The following ANKRD12 variants were observed in gnomAD, a reference collection of about 807,000 sequenced individuals.
The protein encoded by ANKRD12 is ankyrin repeat domain 12.
ANKRD12 carries 85 observed loss-of-function variants against 183.4 expected under a neutral mutation model. The observed-to-expected ratio is 0.46, with a 90% CI of 0.39 to 0.56. The LOEUF (loss-of-function observed/expected upper bound fraction) is 0.56, where lower values mean the gene tolerates loss of function less well. Among genes scored for constraint, ANKRD12 ranks in the 20% least tolerant of loss-of-function variants. The probability of loss-of-function intolerance (pLI) is 0.00; values close to 1 mark genes in which losing one functional copy is unlikely to be tolerated. For synonymous variants in ANKRD12, 914 were observed against 800.2 expected, an observed-to-expected ratio of 1.14 and a Z score of -2.40; for missense variants, 2,405 against 2,357.1, an observed-to-expected ratio of 1.02 and a Z score of -0.42.
At chr18:9,236,722 A>G (rs1298073061) in intron 8 of ANKRD12, among the ~76,000 whole-genome samples, 1 of 152,248 alleles carries the variant, frequency 6.6e-6, no homozygotes, top group Non-Finnish European at 1.5e-5. Flanking sequence ...GATAATATTT[A>G]TGCAAATAAT....
At position 9,284,366 on chromosome 18, in the gene ANKRD12, CA is replaced by C. The variant is rs1568017915; in HGVS notation, c.*3241del. 6.6e-6 allele frequency: 1 copy of C among 152,108 alleles called. No individual in the cohort carries two copies. The highest frequency in any genetic ancestry group is 1.5e-5 in the Non-Finnish European group (1 of 68,014). 9.4% of individuals were successfully genotyped at this position (152,108 alleles called of 1,614,324 possible). A position where few individuals can be genotyped will look rare whatever the true frequency, so the allele number is the denominator to read the frequency against. The stretch of plus-strand genomic sequence containing the variant: ...AGACAGTTATTTTAGAAATTGAGTG[CA>C]GACCTAAATACATAGTTTTCCAAAA... On this transcript the variant is annotated 3_prime_UTR_variant, in exon 13 of 13. Transcript: ENST00000262126.
chr18:9,258,887 T>C lies in ANKRD12; in HGVS notation c.5620T>C (p.Tyr1874His). Residue 1874 changes from tyrosine to histidine, a missense_variant, in exon 9 of 13, where the codon TAT (tyrosine) becomes CAT (histidine). Tyr to His is a moderately conservative substitution (Grantham distance 83). This residue lies in a region of ANKRD12 where 162 missense variants were observed against 272.2 expected (regional missense o/e 0.60). Coordinates refer to ENST00000262126, the MANE Select transcript of ANKRD12 (RefSeq NM_015208.5). ...YDEYVTFNGS[Y>H]LLDGNPLSKI... ...CGAATATGTAACATTTAACGGATCA[T>C]ATCTCCTGGATGGAAACCCCTTAAG... 1 of 1,612,516 alleles carries C rather than the reference T, an allele frequency of 6.2e-7. No individual in the cohort carries two copies. Among genetic ancestry groups the C allele is most frequent in the Non-Finnish European group, 8.5e-7 (1 of 1,179,200 alleles).
At chr18:9,152,159 G>A (rs2078704758) in intron 1 of ANKRD12, among the ~76,000 whole-genome samples, 2 of 152,202 alleles carry the variant, frequency 1.3e-5, no homozygotes, top group Non-Finnish European at 2.9e-5. Context: ...GACTGGAGAT[G>A]CCCCCTTCTT....
chr18:9,269,165 G>A (rs1157684512), intron 10 of ANKRD12, among the ~76,000 whole-genome samples: 5 of 152,174 alleles, frequency 3.3e-5, no homozygotes, highest in Non-Finnish European at 7.4e-5. Flanking sequence ...TGGGTAGGAA[G>A]AATCAATATC....
chr18:9,180,089 A>AT (rs1280589421), intron 1 of ANKRD12, among the ~76,000 whole-genome samples: 1 of 152,010 alleles, frequency 6.6e-6, no homozygotes, highest in Non-Finnish European at 1.5e-5. Flanking sequence ...GAATTTATCT[A>AT]TTTTGTCTAT....
rs753032742 is a variant in ANKRD12 at position 9,256,640 on chromosome 18, AAAAC to A, written c.3377_3380del (p.Thr1126SerfsTer20). 6.2e-7 allele frequency: 1 copy of A among 1,607,308 alleles called. No individual in the cohort carries two copies. The highest frequency in any genetic ancestry group is 8.5e-7 in the Non-Finnish European group (1 of 1,178,506). The stretch of plus-strand genomic sequence containing the variant: ...AGAACTTAAAATAAAAGATAAAGAA[AAAAC>A]AAAGCATACACCAACTGAATCCAAA... On this transcript the variant is annotated frameshift_variant, in exon 9 of 13. Coordinates refer to ENST00000262126, the MANE Select transcript of ANKRD12 (RefSeq NM_015208.5). LOFTEE classifies it high-confidence loss of function.
chr18:9,211,367 CA>C (rs1231566409), intron 5 of ANKRD12, among the ~76,000 whole-genome samples: 2 of 151,926 alleles, frequency 1.3e-5, no homozygotes, highest in African/African-American at 4.8e-5. Context: ...ATTGACAAAA[CA>C]TTTTTTTTAA....
chr18:9,206,566 T>C (rs1409632308), intron 4 of ANKRD12, among the ~76,000 whole-genome samples: 1 of 152,122 alleles, frequency 6.6e-6, no homozygotes, highest in Non-Finnish European at 1.5e-5. Context: ...CACCGGCTGC[T>C]GTTTTCTTAC....
At position 9,252,487 on chromosome 18, in the gene ANKRD12, C is replaced by T. The variant is rs532805606; in HGVS notation, c.944-1724C>T. Among the ~76,000 whole-genome samples, 165 of 152,088 alleles carry T rather than the reference C, an allele frequency of 1.1e-3. 1 individual carries two copies. Among genetic ancestry groups the T allele is most frequent in the Non-Finnish European group, 1.6e-3 (106 of 68,012 alleles). ...CCACTTTCATCATGGACATTAGTGTCAGGATAACTTATTTATGTTAGAATT... is the reference window on the plus strand; with the variant it reads ...CCACTTTCATCATGGACATTAGTGTTAGGATAACTTATTTATGTTAGAATT... On this transcript the variant is annotated intron_variant, in intron 8 of 12. Coordinates refer to ENST00000262126, the MANE Select transcript of ANKRD12 (RefSeq NM_015208.5).
chr18:9,161,342 T>TC (rs1375154549), intron 1 of ANKRD12, among the ~76,000 whole-genome samples: 1 of 151,866 alleles, frequency 6.6e-6, no homozygotes, highest in African/African-American at 2.4e-5. Flanking sequence ...TCCTTTTTTT[T>TC]CTCTATTTCT....
intron 2 of ANKRD12, among the ~76,000 whole-genome samples, chr18:9,193,974 T>G (rs1212493606): frequency 6.6e-6 from 1 of 152,216 alleles, no homozygotes; most frequent in Admixed American, 6.5e-5. Context: ...GGGCGAGTAC[T>G]TAGTATTTTT....
chr18:9,186,966 T>C (rs1280638451), intron 2 of ANKRD12, among the ~76,000 whole-genome samples: 1 of 151,972 alleles, frequency 6.6e-6, no homozygotes, highest in Non-Finnish European at 1.5e-5. Context: ...TTAGCCAGGA[T>C]GGTCTCGAAT....
chr18:9,141,835 G>A (rs1238872761), intron 1 of ANKRD12, among the ~76,000 whole-genome samples: 2 of 152,148 alleles, frequency 1.3e-5, no homozygotes, highest in Non-Finnish European at 2.9e-5. Context: ...CCTTATGTCT[G>A]TTAACTATCT....
chr18:9,275,001 A>G (rs1041813167), intron 10 of ANKRD12, among the ~76,000 whole-genome samples: 2 of 152,178 alleles, frequency 1.3e-5, no homozygotes, highest in Admixed American at 1.3e-4. Context: ...TGGGCAACAT[A>G]GTGAGACCCC....
At chr18:9,197,351 A>C (rs1219984298) in intron 3 of ANKRD12, among the ~76,000 whole-genome samples, 1 of 152,188 alleles carries the variant, frequency 6.6e-6, no homozygotes, top group African/African-American at 2.4e-5. Flanking sequence ...CATAACACTT[A>C]TTCTTCCTTT....
At chr18:9,168,898 C>T (rs962268995) in intron 1 of ANKRD12, among the ~76,000 whole-genome samples, 22 of 151,794 alleles carry the variant, frequency 1.4e-4, no homozygotes, top group Non-Finnish European at 2.1e-4. Context: ...TGAATGTGTC[C>T]CAGAGATTCT....
Position 9,258,915 on chromosome 18 carries a change from AGAT to A in ANKRD12, c.5649_5651del (p.Lys1883_Ile1884delinsAsn). 6.2e-7 allele frequency: 1 copy of A among 1,605,328 alleles called. No homozygotes were observed. The highest frequency in any genetic ancestry group is 8.5e-7 in the Non-Finnish European group (1 of 1,175,310). ...CTCCTGGATGGAAACCCCTTAAGCAAGATTTGTATTCCCACAGTAAGTAACATC... is the reference window on the plus strand; with the variant it reads ...CTCCTGGATGGAAACCCCTTAAGCAATTGTATTCCCACAGTAAGTAACATC... On this transcript the variant is annotated inframe_deletion, in exon 9 of 13. Transcript: ENST00000262126.
intron 1 of ANKRD12, chr18:9,137,652 C>A (rs892908562): frequency 6.6e-6 from 1 of 152,142 alleles, no homozygotes. Flanking sequence ...TTAGTAGTGT[C>A]CGGGGAAAGA....
At chr18:9,216,638 C>T (rs956877909) in intron 6 of ANKRD12, 120 bp from the exon 7 acceptor site, 4 of 949,448 alleles carry the variant, frequency 4.2e-6, no homozygotes, top group Admixed American at 2.9e-5. Context: ...TTCATCACTC[C>T]TTTTTTTTTG....
Sources: allele counts gnomAD v4.1 joint callset (sites outside exome capture counted in the v4.1 genomes callset), GRCh38; gene constraint gnomAD v4.1.1; regional missense constraint gnomAD v4.1.1; transcripts MANE v1.5; gene names NCBI Gene and HGNC (gene_info 2026-07-23, HGNC 2026-07-21).